Variants in SPOCK1 observed in about 807,000 individuals in gnomAD.
SPOCK1 encodes testican-1.
Under a neutral mutation model 55.3 loss-of-function variants are expected in SPOCK1, and 23 were observed. That is an observed-to-expected ratio of 0.42 (90% CI 0.30 to 0.59). The LOEUF (loss-of-function observed/expected upper bound fraction) is 0.59. SPOCK1 is among the 20% of genes least tolerant of loss of function. The pLI is 0.22. For synonymous variants in SPOCK1, 226 were observed against 221.0 expected (o/e 1.02, Z -0.20); for missense variants, 499 against 552.5 (o/e 0.90, Z 0.97).
chr5:137,184,773 C>G (rs183789777), intron 3 of SPOCK1, among the ~76,000 whole-genome samples: 10 of 152,242 alleles, frequency 6.6e-5, no homozygotes, highest in Admixed American at 5.2e-4. Flanking sequence ...TCCATCACCC[C>G]CTCCTGTTCC....
chr5:137,335,760 A>G (rs1750261186), intron 2 of SPOCK1, among the ~76,000 whole-genome samples: 1 of 152,242 alleles, frequency 6.6e-6, no homozygotes, highest in African/African-American at 2.4e-5. Flanking sequence ...TAACTTGCAT[A>G]TTGCATGTGC....
chr5:137,287,168 G>C (rs1201970175), intron 2 of SPOCK1, among the ~76,000 whole-genome samples: 2 of 152,152 alleles, frequency 1.3e-5, no homozygotes, highest in Non-Finnish European at 2.9e-5. Flanking sequence ...GCATTATGGG[G>C]ACATACAAGT....
chr5:137,417,793 A>T (rs1189447441), intron 2 of SPOCK1, among the ~76,000 whole-genome samples: 1 of 151,792 alleles, frequency 6.6e-6, no homozygotes, highest in Non-Finnish European at 1.5e-5. Flanking sequence ...TTTATTAGTC[A>T]GTTTTTATGT....
intron 4 of SPOCK1, among the ~76,000 whole-genome samples, chr5:137,117,490 G>T (rs1753610142): frequency 1.3e-5 from 2 of 152,122 alleles, no homozygotes; most frequent in Admixed American, 6.5e-5. Context: ...CTTAAGAGAG[G>T]TGACTGGGCC....
intron 2 of SPOCK1, among the ~76,000 whole-genome samples, chr5:137,380,311 A>C (rs950322951): frequency 2.6e-5 from 4 of 152,246 alleles, no homozygotes; most frequent in Non-Finnish European, 4.4e-5. Context: ...TTATTGGTGT[A>C]GTCACCACAA....
At chr5:137,143,125 A>G (rs1408876379) in intron 3 of SPOCK1, among the ~76,000 whole-genome samples, 3 of 152,164 alleles carry the variant, frequency 2.0e-5, no homozygotes, top group African/African-American at 7.2e-5. Context: ...ACTAGACCAC[A>G]GGCAGCCCCA....
chr5:137,356,821 A>G (rs1313167893), intron 2 of SPOCK1, among the ~76,000 whole-genome samples: 1 of 34,506 alleles, frequency 2.9e-5, no homozygotes. Context: ...ATATATATAT[A>G]TATATATATA....
intron 2 of SPOCK1, among the ~76,000 whole-genome samples, chr5:137,329,244 C>A (rs1408830704): frequency 6.6e-6 from 1 of 152,088 alleles, no homozygotes; most frequent in Admixed American, 6.6e-5. Context: ...AAAATAGGCT[C>A]TTTTTGGGCC....
chr5:137,071,968 C>G (rs186683770), intron 5 of SPOCK1, among the ~76,000 whole-genome samples: 163 of 152,310 alleles, frequency 1.1e-3, no homozygotes, highest in Non-Finnish European at 1.6e-3. Context: ...GTTACAGTAG[C>G]ACTAACAAAT....
intron 2 of SPOCK1, among the ~76,000 whole-genome samples, chr5:137,449,810 A>G (rs557120079): frequency 2.1e-5 from 3 of 142,208 alleles, no homozygotes; most frequent in Non-Finnish European, 4.5e-5. Context: ...TAGGAGGATC[A>G]CTTGAGCCCA....
At chr5:137,425,880 C>A (rs1052738947) in intron 2 of SPOCK1, among the ~76,000 whole-genome samples, 1 of 150,580 alleles carries the variant, frequency 6.6e-6, no homozygotes, top group Non-Finnish European at 1.5e-5. Flanking sequence ...TACTGCAGTA[C>A]ATGCTTCTAG....
At chr5:137,129,610 G>A (rs1272386052) in intron 4 of SPOCK1, among the ~76,000 whole-genome samples, 1 of 152,146 alleles carries the variant, frequency 6.6e-6, no homozygotes, top group Non-Finnish European at 1.5e-5. Flanking sequence ...TCTGGGTAGG[G>A]GCCACAGGAC....
intron 2 of SPOCK1, among the ~76,000 whole-genome samples, chr5:137,336,571 CAG>C (rs1049640314): frequency 5.9e-5 from 9 of 152,304 alleles, no homozygotes; most frequent in South Asian, 2.1e-4. Flanking sequence ...AAGCAGAGAA[CAG>C]AGAGAGAAGA....
rs76444761 is a variant in SPOCK1 at position 136,993,582 on chromosome 5, G to A, written c.590-982C>T. On this transcript the variant is annotated intron_variant, in intron 6 of 10. Coordinates refer to ENST00000394945, the MANE Select transcript of SPOCK1 (RefSeq NM_004598.4). ...GAGTCAAAATTCCAATGAGTAAAAG[G>A]GGGCAAAGAACAGAGCCCCACATCT... Among the ~76,000 whole-genome samples, 45 of 152,252 alleles carry A rather than the reference G, an allele frequency of 3.0e-4. 1 individual carries two copies. The East Asian group carries it at 8.7e-3, about 29-fold the overall frequency.
chr5:137,183,756 G>A (rs80200136), intron 3 of SPOCK1, among the ~76,000 whole-genome samples: 41 of 152,324 alleles, frequency 2.7e-4, no homozygotes, highest in Admixed American at 5.2e-4. Flanking sequence ...CGCTGGCTGT[G>A]TAGACGTTGG....
chr5:137,182,299 G>T (rs1381524865), intron 3 of SPOCK1, among the ~76,000 whole-genome samples: 2 of 152,084 alleles, frequency 1.3e-5, no homozygotes, highest in African/African-American at 4.8e-5. Flanking sequence ...ACACCACCGG[G>T]TCTTTGCTCC....
chr5:137,197,012 A>T (rs1458905053), intron 3 of SPOCK1, among the ~76,000 whole-genome samples: 1 of 152,210 alleles, frequency 6.6e-6, no homozygotes, highest in East Asian at 1.9e-4. Flanking sequence ...CCAGGCAAAG[A>T]GGTTGACCAA....
At chr5:137,373,959 A>C (rs1751255139) in intron 2 of SPOCK1, among the ~76,000 whole-genome samples, 1 of 143,598 alleles carries the variant, frequency 7.0e-6, no homozygotes, top group African/African-American at 3.0e-5. Flanking sequence ...TACAACAGTT[A>C]AGAAAAGAAA....
rs1167585732 is a variant in SPOCK1, at chr5:136,976,940, G to T, written c.*1714C>A. 6.6e-6 allele frequency: 1 copy of T among 152,228 alleles called. No homozygotes were observed. The highest frequency in any genetic ancestry group is 2.1e-4 in the South Asian group (1 of 4,834). 9.4% of individuals were successfully genotyped at this position (152,228 alleles called of 1,614,324 possible). ...TCAATTTGGGATGGGGGATTGGTCAGCTGCCACTATAATCATGTTTTGGCT... is the reference window on the plus strand; with the variant it reads ...TCAATTTGGGATGGGGGATTGGTCATCTGCCACTATAATCATGTTTTGGCT... On this transcript the variant is annotated 3_prime_UTR_variant, in exon 11 of 11. Coordinates refer to ENST00000394945, the MANE Select transcript of SPOCK1 (RefSeq NM_004598.4).
Sources: allele counts gnomAD v4.1 joint callset (sites outside exome capture counted in the v4.1 genomes callset), GRCh38; gene constraint gnomAD v4.1.1; transcripts MANE v1.5; gene names NCBI Gene and HGNC (gene_info 2026-07-23, HGNC 2026-07-21).